The following SPANXN1 variants were observed in gnomAD, a reference collection of about 807,000 sequenced individuals.
The protein encoded by SPANXN1 is sperm protein associated with the nucleus on the X chromosome N1.
A neutral mutation model predicts 2.0 loss-of-function variants in SPANXN1; 1 was observed. The observed-to-expected ratio is 0.50, with a 90% CI of 0.18 to 2.36. The LOEUF (loss-of-function observed/expected upper bound fraction) is 2.36. SPANXN1 is among the 30% of genes most tolerant of loss of function. The pLI is 0.26. For missense variants in SPANXN1, 55 were observed against 51.8 expected (o/e 1.06, Z -0.19); for synonymous variants, 27 against 21.3 (o/e 1.27, Z -0.74).
At chrX:145,254,205 G>A (rs781969110) in intron 1 of SPANXN1, among the ~76,000 whole-genome samples, 2 of 109,075 alleles carry the variant, frequency 1.8e-5, no homozygotes, top group African/African-American at 3.3e-5. Flanking sequence ...AGGCATTTTG[G>A]GGGGTTTCTC....
In SPANXN1 at chrX:145,248,044, G is replaced by A. The variant is rs188580682; in HGVS notation, c.75+383G>A. On this transcript the variant is annotated intron_variant, in intron 1 of 1. Transcript: ENST00000370493. ...AAGATTTTTCTCAGCCTGAACCCCC[G>A]TGGAATGTTTCACTTTGATCAAGGT... is the stretch of plus-strand genomic sequence containing the variant. Among the ~76,000 whole-genome samples, 19 of 111,955 alleles carry A rather than the reference G, an allele frequency of 1.7e-4. 1 individual carries two copies. Among genetic ancestry groups the A allele is most frequent in the Non-Finnish European group, 2.4e-4 (13 of 53,186 alleles).
intron 1 of SPANXN1, among the ~76,000 whole-genome samples, chrX:145,249,482 G>C (rs781789168): frequency 9.0e-6 from 1 of 111,165 alleles, no homozygotes; most frequent in African/African-American, 3.3e-5. Flanking sequence ...CAAAGTAGGA[G>C]ATAAAAGATT....
chrX:145,248,664 T>A (rs1157633611), intron 1 of SPANXN1, among the ~76,000 whole-genome samples: 1 of 112,277 alleles, frequency 8.9e-6, no homozygotes, highest in Non-Finnish European at 1.9e-5. Context: ...GGTTGAATTC[T>A]CCACAAACAC....
intron 1 of SPANXN1, among the ~76,000 whole-genome samples, chrX:145,249,735 G>A (rs1167449187): frequency 1.8e-5 from 2 of 110,791 alleles, no homozygotes; most frequent in Admixed American, 1.9e-4. Flanking sequence ...CTCCACTTAG[G>A]TTGGAGAGGG....
chrX:145,249,502 C>T (rs1290759311), intron 1 of SPANXN1, among the ~76,000 whole-genome samples: 6 of 111,076 alleles, frequency 5.4e-5, no homozygotes, highest in Admixed American at 1.9e-4. Context: ...TGGAAATTGG[C>T]GACGGAGAGT....
At chrX:145,255,524 C>G (rs781798940) in intron 1 of SPANXN1, 147 bp from the exon 2 acceptor site, 14 of 870,070 alleles carry the variant, frequency 1.6e-5, no homozygotes, top group Non-Finnish European at 2.1e-5. Flanking sequence ...CCCATAGATC[C>G]CTACCCTATG....
At chrX:145,250,928 A>T (rs149355734) in intron 1 of SPANXN1, among the ~76,000 whole-genome samples, 2,224 of 112,014 alleles carry the variant, frequency 0.02, 19 homozygotes, top group Middle Eastern at 0.046. Context: ...AGATGAAGGC[A>T]TGAGACTGTA....
rs782101962 is a variant in SPANXN1 at position 145,248,156 on chromosome X, T to C, written c.75+495T>C. On this transcript the variant is annotated intron_variant, in intron 1 of 1. Coordinates refer to ENST00000370493, the MANE Select transcript of SPANXN1 (RefSeq NM_001009614.3). Reference sequence around the variant, plus strand: ...TAGTATAAAAGGAAGAGGGGCATTGTTGATTATCTGGCTGCTTCCTGCCGA... The same window carrying C: ...TAGTATAAAAGGAAGAGGGGCATTGCTGATTATCTGGCTGCTTCCTGCCGA... Among the ~76,000 whole-genome samples the C allele has an allele frequency of 5.6e-4, 63 of 111,745 alleles. 1 individual carries two copies. The South Asian group carries it at 0.023, about 40-fold the overall frequency.
chrX:145,248,674 CTTTGT>C (rs1474838731), intron 1 of SPANXN1, among the ~76,000 whole-genome samples: 1 of 112,083 alleles, frequency 8.9e-6, no homozygotes, highest in African/African-American at 3.3e-5. Flanking sequence ...TCCACAAACA[CTTTGT>C]TTTAACTTTT....
intron 1 of SPANXN1, 98 bp from the exon 2 acceptor site, chrX:145,255,573 C>A (rs137942540): frequency 0.02 from 23,024 of 1,129,619 alleles, 467 homozygotes; most frequent in East Asian, 0.12. Flanking sequence ...CCCCTTCCTC[C>A]ACCTGCATTC....
chrX:145,255,897 T>C lies in SPANXN1; in HGVS notation c.*83T>C. The stretch of plus-strand genomic sequence containing the variant: ...GGATCTTCAAAGCAGGATGAAGACC[T>C]AGACTTACCTGAAGGCCTAGACTCA... On this transcript the variant is annotated 3_prime_UTR_variant, in exon 2 of 2. Transcript: ENST00000370493. 8.3e-7 allele frequency: 1 copy of C among 1,201,439 alleles called. No individual in the cohort carries two copies. Among genetic ancestry groups the C allele is most frequent in the Non-Finnish European group, 1.1e-6 (1 of 887,166 alleles).
intron 1 of SPANXN1, among the ~76,000 whole-genome samples, chrX:145,252,456 T>A (rs1556882597): frequency 9.0e-6 from 1 of 110,655 alleles, no homozygotes. Context: ...ATAGGGGTGT[T>A]GTGGGGAGAG....
intron 1 of SPANXN1, among the ~76,000 whole-genome samples, chrX:145,249,832 A>G (rs182187458): frequency 9.0e-6 from 1 of 111,084 alleles, no homozygotes; most frequent in Non-Finnish European, 1.9e-5. Flanking sequence ...AGGCTGGGTC[A>G]AGTAAGCATT....
At chrX:145,254,773 T>C (rs2070801289) in intron 1 of SPANXN1, among the ~76,000 whole-genome samples, 1 of 110,827 alleles carries the variant, frequency 9.0e-6, no homozygotes, top group South Asian at 3.8e-4. Context: ...TGTCCAGAAA[T>C]GGGGGTGATC....
At chrX:145,248,330 G>T (rs1556882075) in intron 1 of SPANXN1, among the ~76,000 whole-genome samples, 1 of 111,201 alleles carries the variant, frequency 9.0e-6, no homozygotes, top group Non-Finnish European at 1.9e-5. Context: ...GGGGAGTTTA[G>T]CCTTCGGGAG....
chrX:145,248,673 A>C (rs781977034), intron 1 of SPANXN1, among the ~76,000 whole-genome samples: 5 of 112,133 alleles, frequency 4.5e-5, no homozygotes, highest in Admixed American at 2.8e-4. Flanking sequence ...CTCCACAAAC[A>C]CTTTGTTTTA....
intron 1 of SPANXN1, among the ~76,000 whole-genome samples, chrX:145,248,685 C>T (rs1255391437): frequency 4.5e-5 from 5 of 112,057 alleles, no homozygotes; most frequent in African/African-American, 1.6e-4. Context: ...TTTGTTTTAA[C>T]TTTTATATTC....
intron 1 of SPANXN1, among the ~76,000 whole-genome samples, chrX:145,250,744 C>A (rs2070782513): frequency 9.0e-6 from 1 of 111,390 alleles, no homozygotes. Context: ...GCCTGCCAGG[C>A]TGCCAAATTT....
At position 145,249,880 on chromosome X, in the gene SPANXN1, G is replaced by T. The variant is rs5966483; in HGVS notation, c.75+2219G>T. On this transcript the variant is annotated intron_variant, in intron 1 of 1. Transcript: ENST00000370493. ...TATTAGATGTTGGGTGAGGTGTAAC[G>T]CCGGCCAAGTATTCCATATAGAAGG... Among the ~76,000 whole-genome samples, 827 of 110,869 alleles carry T rather than the reference G, an allele frequency of 7.5e-3. 8 individuals are homozygous for T. The highest frequency in any genetic ancestry group is 0.026 in the African/African-American group (785 of 30,380).
Sources: allele counts gnomAD v4.1 joint callset (sites outside exome capture counted in the v4.1 genomes callset), GRCh38; gene constraint gnomAD v4.1.1; transcripts MANE v1.5; gene names NCBI Gene and HGNC (gene_info 2026-07-23, HGNC 2026-07-21).